The following TTC17 variants were observed in gnomAD, a reference collection of about 807,000 sequenced individuals.
TTC17 encodes the protein tetratricopeptide repeat protein 17.
A neutral mutation model predicts 143.8 loss-of-function variants in TTC17; 58 were observed. The ratio of observed to expected loss-of-function variants is 0.40; its 90% CI spans 0.33 to 0.50. The LOEUF (loss-of-function observed/expected upper bound fraction) is 0.50. Among genes scored for constraint, TTC17 ranks in the 20% least tolerant of loss-of-function variants. The pLI is 0.49. For missense variants in TTC17, 1,273 were observed against 1,392.5 expected, an observed-to-expected ratio of 0.91 and a Z score of 1.37; for synonymous variants, 501 against 497.8, an observed-to-expected ratio of 1.01 and a Z score of -0.09.
At chr11:43,381,468 C>A (rs946632222) in intron 2 of TTC17, among the ~76,000 whole-genome samples, 1 of 152,028 alleles carries the variant, frequency 6.6e-6, no homozygotes, top group Admixed American at 6.6e-5. Context: ...AGGAACAGAA[C>A]GAGGCTTACT....
chr11:43,445,279 G>A (rs1013749077), intron 18 of TTC17, among the ~76,000 whole-genome samples: 5 of 151,902 alleles, frequency 3.3e-5, no homozygotes, highest in African/African-American at 1.2e-4. Flanking sequence ...TATAATAATT[G>A]CCACTGTTTT....
intron 2 of TTC17, among the ~76,000 whole-genome samples, chr11:43,385,010 G>T (rs376830648): frequency 6.6e-6 from 1 of 152,174 alleles, no homozygotes; most frequent in Non-Finnish European, 1.5e-5. Context: ...TCGTATACTT[G>T]TATGTACCTA....
intron 21 of TTC17, among the ~76,000 whole-genome samples, chr11:43,462,921 C>CTTTTTTTTTGTTTTTTTTTTTTTTTTTT (rs1947896278): frequency 8.5e-6 from 1 of 117,724 alleles, no homozygotes; most frequent in Non-Finnish European, 1.6e-5. Flanking sequence ...TGACAAAATT[C>CTTTTTTTTTGTTTTTTTTTTTTTTTTTT]TTTTTTTTTT....
In TTC17 at chr11:43,444,177, C is replaced by G. The variant is rs372359072; in HGVS notation, c.2633C>G (p.Thr878Ser). The change falls in exon 18 of 24, where the codon ACT (threonine) becomes AGT (serine). Residue 878 changes from threonine (T) to serine (S), a missense_variant. Coordinates refer to ENST00000039989, the MANE Select transcript of TTC17 (RefSeq NM_018259.6). ...GHRYQANLEI[T>S]GPKVASPGPQ... ...CGTTACCAAGCAAACCTAGAGATCACTGGCCCCAAGGTGGCATCTCCTGGG... is the reference window on the plus strand; with the variant it reads ...CGTTACCAAGCAAACCTAGAGATCAGTGGCCCCAAGGTGGCATCTCCTGGG... 1.7e-5 allele frequency: 27 copies of G among 1,612,008 alleles called. No individual in the cohort carries two copies. The highest frequency in any genetic ancestry group is 2.3e-5 in the Non-Finnish European group (27 of 1,179,208).
At chr11:43,443,977 T>C (rs1947481620) in intron 17 of TTC17, 79 bp from the exon 18 acceptor site, 1 of 1,469,270 alleles carries the variant, frequency 6.8e-7, no homozygotes, top group Non-Finnish European at 9.1e-7. Flanking sequence ...TACTTGGTTA[T>C]TCTTAAACTA....
intron 22 of TTC17, chr11:43,490,854 C>CCA (rs1948461917): frequency 1.5e-5 from 1 of 66,562 alleles, no homozygotes; most frequent in Admixed American, 2.1e-4. Flanking sequence ...ACTTTTTCCA[C>CCA]AAAAAAAAAA....
chr11:43,379,182 A>G, intron 1 of TTC17, 51 bp from the exon 2 acceptor site: 7 of 1,527,206 alleles, frequency 4.6e-6, no homozygotes, highest in African/African-American at 2.7e-5. Context: ...TTGTTAATCC[A>G]AACCAGCATT....
chr11:43,444,916 C>T (rs892567570), intron 18 of TTC17, among the ~76,000 whole-genome samples: 3 of 152,070 alleles, frequency 2.0e-5, no homozygotes, highest in Non-Finnish European at 2.9e-5. Context: ...TCTGACTAGA[C>T]GCATCAGAAA....
At chr11:43,436,514 C>T (rs1300046827) in intron 16 of TTC17, among the ~76,000 whole-genome samples, 1 of 152,202 alleles carries the variant, frequency 6.6e-6, no homozygotes, top group Non-Finnish European at 1.5e-5. Flanking sequence ...AAAGTGTTCA[C>T]ACCTCAGTGT....
chr11:43,486,504 T>C (rs1425060960), intron 21 of TTC17: 12 of 408,502 alleles, frequency 2.9e-5, no homozygotes, highest in Non-Finnish European at 6.1e-5. Context: ...AGTAAACTAA[T>C]GTATATTGTT....
chr11:43,380,906 A>T (rs1033504535), intron 2 of TTC17, among the ~76,000 whole-genome samples: 3 of 152,352 alleles, frequency 2.0e-5, no homozygotes, highest in African/African-American at 7.2e-5. Flanking sequence ...ATAGTGCTTC[A>T]TGCTTGGAAG....
chr11:43,387,122 GA>G (rs1159683826), intron 2 of TTC17, among the ~76,000 whole-genome samples: 11 of 151,986 alleles, frequency 7.2e-5, no homozygotes, highest in Non-Finnish European at 1.0e-4. Flanking sequence ...CTATTGGGGG[GA>G]AAAAATAAGC....
chr11:43,403,755 C>G (rs1391566732), intron 10 of TTC17, among the ~76,000 whole-genome samples: 2 of 152,130 alleles, frequency 1.3e-5, no homozygotes, highest in Non-Finnish European at 2.9e-5. Flanking sequence ...GACAGGAAAA[C>G]GACCTATGCC....
chr11:43,428,649 GC>G (rs1250145575), intron 16 of TTC17, among the ~76,000 whole-genome samples: 1 of 152,208 alleles, frequency 6.6e-6, no homozygotes, highest in African/African-American at 2.4e-5. Flanking sequence ...GGATGCAGGG[GC>G]ATATAGGTCT....
At chr11:43,408,356 A>C (rs1481586983) in intron 15 of TTC17, among the ~76,000 whole-genome samples, 2 of 152,288 alleles carry the variant, frequency 1.3e-5, no homozygotes, top group East Asian at 3.9e-4. Context: ...TTTTCTTTTG[A>C]AATACAGAAA....
intron 16 of TTC17, among the ~76,000 whole-genome samples, chr11:43,438,978 C>G (rs1947354316): frequency 1.3e-5 from 2 of 152,178 alleles, no homozygotes; most frequent in Admixed American, 6.5e-5. Context: ...AATATTGAGC[C>G]TCTCATTTCT....
intron 16 of TTC17, among the ~76,000 whole-genome samples, chr11:43,435,713 C>T (rs1230148393): frequency 6.6e-6 from 1 of 152,100 alleles, no homozygotes; most frequent in African/African-American, 2.4e-5. Flanking sequence ...TTAATAATTC[C>T]TCACCTTTTG....
At chr11:43,484,536 TTTA>T (rs1481877483) in intron 21 of TTC17, among the ~76,000 whole-genome samples, 2 of 152,212 alleles carry the variant, frequency 1.3e-5, no homozygotes, top group African/African-American at 4.8e-5. Flanking sequence ...CTCAATTTGA[TTTA>T]TAGAGTCAAT....
rs559266839 is a variant in TTC17, at chr11:43,391,584, G to C, written c.531+8G>C. The C allele has an allele frequency of 5.1e-5, 76 of 1,501,598 alleles. No homozygotes were observed. The highest frequency in any genetic ancestry group is 6.1e-5 in the Non-Finnish European group (68 of 1,121,814). 93.0% of individuals were successfully genotyped at this position (1,501,598 alleles called of 1,614,324 possible). A position where few individuals can be genotyped will look rare whatever the true frequency, so the allele number is the denominator to read the frequency against. On this transcript the variant is annotated splice_region_variant and intron_variant, in intron 4 of 23. Transcript: ENST00000039989. ...GCTTTTCAGCACTTGAGAGTAAGTA[G>C]AGAACTTTAGGATTTTTTTTTTTTT...
Sources: gnomAD v4.1 joint callset for allele counts (sites outside exome capture counted in the v4.1 genomes callset) on GRCh38, gnomAD v4.1.1 for gene constraint, MANE v1.5 for transcripts, NCBI Gene and HGNC (gene_info 2026-07-23, HGNC 2026-07-21) for gene names.